The following CACNA1C variants were observed in gnomAD, a reference collection of about 807,000 sequenced individuals.
CACNA1C encodes calcium voltage-gated channel subunit alpha1 C.
In CACNA1C, 30 loss-of-function variants were observed where a neutral mutation model predicts 229.0. That is an observed-to-expected ratio of 0.13 (90% confidence interval 0.10 to 0.18). CACNA1C has a LOEUF of 0.18. Ranked by LOEUF, CACNA1C falls within the 10% of genes least tolerant of loss-of-function variation. The pLI is 1.00. For synonymous variants in CACNA1C, 1,114 were observed against 1,132.5 expected (o/e 0.98, Z 0.33); for missense variants, 1,658 against 2,845.0 (o/e 0.58, Z 9.49).
At chr12:2,685,140 A>G (rs2370610) in intron 43 of CACNA1C, among the ~76,000 whole-genome samples, 9,197 of 151,668 alleles carry the variant, frequency 0.061, 535 homozygotes, top group African/African-American at 0.18. Context: ...GTGTCTGTGC[A>G]TGATGAGAAG....
intron 3 of CACNA1C, among the ~76,000 whole-genome samples, chr12:2,197,097 C>T (rs1353401637): frequency 2.0e-5 from 3 of 152,204 alleles, no homozygotes; most frequent in Admixed American, 6.5e-5. Flanking sequence ...CCCTGAACAC[C>T]TGCCTCCTTC....
chr12:2,314,691 A>G (rs2370419), intron 3 of CACNA1C, among the ~76,000 whole-genome samples: 143,612 of 152,276 alleles, frequency 0.94, 67,831 homozygotes, highest in East Asian at 1. Context: ...GGTGTATAGT[A>G]TTCCATTGTT....
chr12:2,158,800 G>T (rs1013648255), intron 3 of CACNA1C, among the ~76,000 whole-genome samples: 2 of 152,184 alleles, frequency 1.3e-5, no homozygotes, highest in Non-Finnish European at 2.9e-5. Flanking sequence ...GAAGCTATTG[G>T]AGTTCTTCAC....
At position 2,137,268 on chromosome 12, in the gene CACNA1C, C is replaced by A. The variant is rs138050655; in HGVS notation, c.477+16838C>A. On this transcript the variant is annotated intron_variant, in intron 3 of 46. Transcript: ENST00000399655. ...CCAGTTCTACCTCTGCCTGGTGGCA[C>A]GGCCTTGTCACTTCACTTCTCTGAG... is the stretch of plus-strand genomic sequence containing the variant. Among the ~76,000 whole-genome samples, 256 of 151,402 alleles carry A rather than the reference C, an allele frequency of 1.7e-3. 12 individuals are homozygous for A. The highest frequency in any genetic ancestry group is 3.6e-3 in the Admixed American group (55 of 15,100).
At chr12:2,157,058 A>G (rs1184158955) in intron 3 of CACNA1C, among the ~76,000 whole-genome samples, 1 of 152,216 alleles carries the variant, frequency 6.6e-6, no homozygotes, top group Non-Finnish European at 1.5e-5. Context: ...TTGTGGTATC[A>G]GGTATTTTTG....
At position 2,297,743 on chromosome 12, in the gene CACNA1C, G is replaced by A. The variant is rs369691222; in HGVS notation, c.478-151233G>A. The stretch of plus-strand genomic sequence containing the variant: ...ACATGCATCTATATTATATATGTGT[G>A]TGTTTCTCCATACTCTGTGCATATA... On this transcript the variant is annotated intron_variant, in intron 3 of 46. Coordinates refer to ENST00000399655, the MANE Select transcript of CACNA1C (RefSeq NM_000719.7). 9.2e-5 allele frequency among the ~76,000 whole-genome samples: 14 copies of A among 152,274 alleles called. No homozygotes were observed. In the South Asian group the frequency reaches 1.5e-3, roughly 16 times the overall value.
intron 1 of CACNA1C, among the ~76,000 whole-genome samples, chr12:2,061,925 G>A (rs2057656123): frequency 6.6e-6 from 1 of 152,236 alleles, no homozygotes; most frequent in Non-Finnish European, 1.5e-5. Flanking sequence ...TTTGGAGATA[G>A]AGGGGACAGT....
intron 9 of CACNA1C, among the ~76,000 whole-genome samples, chr12:2,540,608 C>G (rs2099867470): frequency 6.6e-6 from 1 of 152,168 alleles, no homozygotes; most frequent in South Asian, 2.1e-4. Flanking sequence ...GCACGGCAGT[C>G]CCAGGAGGAC....
chr12:2,521,705 C>G (rs2099810300), intron 9 of CACNA1C, among the ~76,000 whole-genome samples: 1 of 152,220 alleles, frequency 6.6e-6, no homozygotes, highest in African/African-American at 2.4e-5. Flanking sequence ...GGGCTGTCCT[C>G]TTCGCTTCTT....
chr12:2,215,239 T>C lies in CACNA1C; in HGVS notation c.477+94809T>C, dbSNP rs1599392905. Among the ~76,000 whole-genome samples, 1 of 152,202 alleles carries C rather than the reference T, an allele frequency of 6.6e-6. No homozygotes were observed. Among genetic ancestry groups the C allele is most frequent in the East Asian group, 1.9e-4 (1 of 5,184 alleles). The stretch of plus-strand genomic sequence containing the variant: ...TTTGTGGGTGTTCTGTTGCATTCAG[T>C]GGGGCTTCAGTCTTCATTTTCCTTG... On this transcript the variant is annotated intron_variant, in intron 3 of 46. Coordinates refer to ENST00000399655, the MANE Select transcript of CACNA1C (RefSeq NM_000719.7). The surrounding 1 kb of genome is among the most constrained non-coding windows in gnomAD (Gnocchi z 5.0).
chr12:2,101,001 C>CAAAAAAA (rs551820516), intron 1 of CACNA1C, among the ~76,000 whole-genome samples: 1 of 72,262 alleles, frequency 1.4e-5, no homozygotes. Flanking sequence ...AGACCCATCT[C>CAAAAAAA]AAAAAAAAAA....
chr12:2,163,413 A>G (rs1364401607), intron 3 of CACNA1C, among the ~76,000 whole-genome samples: 1 of 151,936 alleles, frequency 6.6e-6, no homozygotes, highest in Non-Finnish European at 1.5e-5. Context: ...GCAGGGTGTA[A>G]TCTTTGGACT....
At chr12:2,235,931 C>A (rs902573601) in intron 3 of CACNA1C, among the ~76,000 whole-genome samples, 3 of 152,142 alleles carry the variant, frequency 2.0e-5, no homozygotes, top group Admixed American at 6.5e-5. Flanking sequence ...ATTCATTTGA[C>A]GTTCACAGGA....
chr12:2,621,418 CTG>C (rs1164186442), intron 29 of CACNA1C, among the ~76,000 whole-genome samples: 6 of 152,310 alleles, frequency 3.9e-5, no homozygotes, highest in Non-Finnish European at 8.8e-5. Context: ...GCTCTGGAAA[CTG>C]AGAGTGGCGC....
chr12:2,492,556 T>C (rs1184453457), intron 6 of CACNA1C, among the ~76,000 whole-genome samples: 1 of 152,232 alleles, frequency 6.6e-6, no homozygotes, highest in East Asian at 1.9e-4. Flanking sequence ...AGGTGATCCC[T>C]CTCCCCGGCA....
At chr12:2,393,917 G>A (rs373200079) in intron 3 of CACNA1C, among the ~76,000 whole-genome samples, 1 of 151,956 alleles carries the variant, frequency 6.6e-6, no homozygotes, top group African/African-American at 2.4e-5. Context: ...ACCAGCCCGG[G>A]CAACATAGCC....
chr12:2,068,013 T>G (rs2060013958), intron 1 of CACNA1C, among the ~76,000 whole-genome samples: 1 of 152,178 alleles, frequency 6.6e-6, no homozygotes, highest in African/African-American at 2.4e-5. Context: ...ATTTTGTTAT[T>G]TTTTTCTTCA....
intron 1 of CACNA1C, among the ~76,000 whole-genome samples, chr12:2,106,845 A>G (rs2079027319): frequency 1.5e-5 from 1 of 65,578 alleles, no homozygotes; most frequent in Non-Finnish European, 3.2e-5. Context: ...TCCTGAAGCC[A>G]CTGGGCGCCC....
At chr12:2,393,192 C>A (rs1193877522) in intron 3 of CACNA1C, among the ~76,000 whole-genome samples, 1 of 152,152 alleles carries the variant, frequency 6.6e-6, no homozygotes, top group Non-Finnish European at 1.5e-5. Flanking sequence ...GCAAGGCCTC[C>A]AGACCACTGT....
Sources: gnomAD v4.1 joint callset for allele counts (sites outside exome capture counted in the v4.1 genomes callset) on GRCh38, gnomAD v4.1.1 for gene constraint, Gnocchi (gnomAD v3.1) non-coding constraint, MANE v1.5 for transcripts, NCBI Gene and HGNC (gene_info 2026-07-23, HGNC 2026-07-21) for gene names.